Variants in CADM2 observed in about 807,000 individuals in gnomAD.
The protein encoded by CADM2 is cell adhesion molecule 2, also known as immunoglobulin superfamily member 4D.
A neutral mutation model predicts 49.8 loss-of-function variants in CADM2; 12 were observed. That is an observed-to-expected ratio of 0.24 (90% CI 0.15 to 0.39). CADM2 has a LOEUF of 0.39. Among genes scored for constraint, CADM2 ranks in the 10% least tolerant of loss-of-function variants. CADM2 has a pLI of 1.00. For missense variants in CADM2, 378 were observed against 492.3 expected (o/e 0.77, Z 2.20); for synonymous variants, 214 against 175.4 (o/e 1.22, Z -1.74).
Position 85,935,848 on chromosome 3 carries a change from G to A in CADM2, c.782G>A (p.Gly261Glu). 6.3e-7 allele frequency: 1 copy of A among 1,590,368 alleles called. No individual in the cohort carries two copies. The highest frequency in any genetic ancestry group is 8.6e-7 in the Non-Finnish European group (1 of 1,162,198). ...TTAATTTTGACTTGTGAATCCAAAG[G>A]AAAACCACTGTAAGTGAGTTAATGA... The part of the protein sequence containing the change: ...QPLILTCESK[G>E]KPLPEPVLWT... The change falls in exon 7 of 10, where the codon GGA (glycine) becomes GAA (glutamate). Residue 261 changes from glycine (G) to glutamate (E), a missense_variant. By Grantham distance (98) the Gly-to-Glu change is moderately conservative. Transcript: ENST00000383699.
intron 3 of CADM2, among the ~76,000 whole-genome samples, chr3:85,874,136 C>T (rs1269022451): frequency 6.6e-6 from 1 of 152,074 alleles, no homozygotes; most frequent in African/African-American, 2.4e-5. Context: ...AGTTTGTGTA[C>T]TCTAAGAAGT....
At chr3:85,376,537 T>C (rs1007523147) in intron 1 of CADM2, among the ~76,000 whole-genome samples, 21 of 152,218 alleles carry the variant, frequency 1.4e-4, no homozygotes, top group Non-Finnish European at 2.8e-4. Context: ...ACTAAAAATT[T>C]AGTAGTAATG....
At chr3:85,181,845 T>TA (rs1002833493) in intron 1 of CADM2, among the ~76,000 whole-genome samples, 13 of 149,984 alleles carry the variant, frequency 8.7e-5, no homozygotes, top group African/African-American at 2.4e-4. Context: ...ATATACTTTT[T>TA]AAAAAAACAT....
intron 1 of CADM2, among the ~76,000 whole-genome samples, chr3:85,039,471 G>A (rs1042143176): frequency 3.3e-5 from 5 of 151,580 alleles, no homozygotes; most frequent in African/African-American, 1.2e-4. Flanking sequence ...TAGTAATACA[G>A]TTTTAGCTTT....
At chr3:85,734,412 G>A (rs1039005166) in intron 2 of CADM2, among the ~76,000 whole-genome samples, 2 of 151,806 alleles carry the variant, frequency 1.3e-5, no homozygotes, top group African/African-American at 2.4e-5. Context: ...GACTGTATAT[G>A]AATCCTGCCT....
chr3:85,672,294 G>A (rs537885033), intron 1 of CADM2, among the ~76,000 whole-genome samples: 23 of 148,262 alleles, frequency 1.6e-4, no homozygotes, highest in Non-Finnish European at 2.8e-4. Flanking sequence ...CCGGGTTCAC[G>A]CCATTCTCCT....
chr3:85,628,123 A>T (rs2064180145), intron 1 of CADM2, among the ~76,000 whole-genome samples: 1 of 152,026 alleles, frequency 6.6e-6, no homozygotes, highest in Non-Finnish European at 1.5e-5. Context: ...AGCTCAAATT[A>T]TACTGAATCG....
intron 5 of CADM2, among the ~76,000 whole-genome samples, chr3:85,891,975 G>A (rs1034456912): frequency 6.6e-6 from 1 of 152,176 alleles, no homozygotes; most frequent in Non-Finnish European, 1.5e-5. Context: ...TTACAGTAAT[G>A]TGTTACACAG....
At chr3:85,525,244 C>T (rs2061135805) in intron 1 of CADM2, among the ~76,000 whole-genome samples, 1 of 152,168 alleles carries the variant, frequency 6.6e-6, no homozygotes, top group Non-Finnish European at 1.5e-5. Context: ...GGAGAATCCT[C>T]ATGTATTCAG....
intron 1 of CADM2, among the ~76,000 whole-genome samples, chr3:85,420,503 A>T (rs1247042704): frequency 6.6e-6 from 1 of 152,034 alleles, no homozygotes; most frequent in Admixed American, 6.6e-5. Flanking sequence ...CCCATGGGGG[A>T]AAAAAATTAT....
chr3:85,092,593 G>A (rs368710559), intron 1 of CADM2, among the ~76,000 whole-genome samples: 215 of 152,280 alleles, frequency 1.4e-3, no homozygotes, highest in African/African-American at 5.0e-3. Context: ...TAAAGACAGA[G>A]CTTTAGATTG....
chr3:85,204,624 T>C (rs1233877320), intron 1 of CADM2, among the ~76,000 whole-genome samples: 1 of 152,154 alleles, frequency 6.6e-6, no homozygotes, highest in Admixed American at 6.5e-5. Context: ...ATTAAAAAAA[T>C]TTCCATCTAT....
intron 1 of CADM2, among the ~76,000 whole-genome samples, chr3:85,464,294 C>T (rs139671601): frequency 1.8e-3 from 267 of 152,196 alleles, no homozygotes; most frequent in African/African-American, 5.9e-3. Context: ...GTGATCACAT[C>T]AATCTAAAAC....
chr3:85,377,592 A>G (rs1387492882), intron 1 of CADM2, among the ~76,000 whole-genome samples: 1 of 152,124 alleles, frequency 6.6e-6, no homozygotes, highest in African/African-American at 2.4e-5. Context: ...CAATGGAAAC[A>G]TGAAATATAA....
intron 1 of CADM2, among the ~76,000 whole-genome samples, chr3:85,486,304 G>A (rs1347988345): frequency 7.4e-6 from 1 of 134,340 alleles, no homozygotes; most frequent in African/African-American, 2.5e-5. Context: ...AATTTTAGGG[G>A]GAACAATAGA....
intron 1 of CADM2, among the ~76,000 whole-genome samples, chr3:85,285,748 A>C (rs939882934): frequency 2.6e-5 from 4 of 151,956 alleles, no homozygotes; most frequent in African/African-American, 9.7e-5. Flanking sequence ...AAGGACATGC[A>C]AGATGAAGAA....
At chr3:85,349,953 T>G (rs564708298) in intron 1 of CADM2, among the ~76,000 whole-genome samples, 40 of 152,292 alleles carry the variant, frequency 2.6e-4, no homozygotes, top group Middle Eastern at 3.4e-3. Context: ...AAGGAAAAAC[T>G]GCCTGCTGAT....
intron 3 of CADM2, among the ~76,000 whole-genome samples, chr3:85,852,330 A>G (rs2075139611): frequency 6.6e-6 from 1 of 152,092 alleles, no homozygotes; most frequent in South Asian, 2.1e-4. Flanking sequence ...TAGAGACTTT[A>G]ATGAGATGTG....
At chr3:85,234,941 T>A (rs1257670809) in intron 1 of CADM2, among the ~76,000 whole-genome samples, 2 of 152,150 alleles carry the variant, frequency 1.3e-5, no homozygotes, top group Non-Finnish European at 2.9e-5. Context: ...TCTTTGTATG[T>A]GTGCTGAACA....
Sources: allele counts gnomAD v4.1 joint callset (sites outside exome capture counted in the v4.1 genomes callset), GRCh38; gene constraint gnomAD v4.1.1; transcripts MANE v1.5; gene names NCBI Gene and HGNC (gene_info 2026-07-23, HGNC 2026-07-21).